The following CDK2 variants were observed in gnomAD, a reference collection of about 807,000 sequenced individuals.
The protein encoded by CDK2 is cyclin dependent kinase 2.
CDK2 carries 8 observed loss-of-function variants against 35.0 expected under a neutral mutation model. That is an observed-to-expected ratio of 0.23 (90% CI 0.13 to 0.41). The LOEUF is 0.41. Ranked by LOEUF, CDK2 falls within the 10% of genes least tolerant of loss-of-function variation. CDK2 has a pLI of 1.00. For synonymous variants in CDK2, 134 were observed against 137.7 expected, an observed-to-expected ratio of 0.97 and a Z score of 0.19; for missense variants, 201 against 367.1, an observed-to-expected ratio of 0.55 and a Z score of 3.70.
Position 55,971,658 on chromosome 12 carries a change from C to T in CDK2, c.*33C>T. 6.7e-7 allele frequency: 1 copy of T among 1,485,336 alleles called. No individual in the cohort carries two copies. Among genetic ancestry groups the T allele is most frequent in the South Asian group, 1.1e-5 (1 of 88,482 alleles). The allele number at this position is 1,485,336 out of a possible 1,614,324, so 92.0% of individuals were successfully genotyped here. On this transcript the variant is annotated 3_prime_UTR_variant, in exon 7 of 7. Transcript: ENST00000266970. ...CTTGAAGCCCCCAGCCCTAATCTCA[C>T]CCTCTCCTCCAGTGTGGGCTTGACC...
Position 55,968,144 on chromosome 12 carries a change from C to T in CDK2, c.290C>T (p.Thr97Ile), listed in dbSNP as rs1324736508. Residue 97 changes from threonine to isoleucine, a missense_variant, in exon 3 of 7, where the codon ACT becomes ATT. Physicochemically the swap from Thr to Ile is moderately conservative, Grantham distance 89. Around this residue, in one of 5 missense-constraint regions of CDK2, gnomAD observed 47 missense variants for 59.5 expected, o/e 0.79. Transcript: ENST00000266970. Reference protein sequence around the residue: ...LKKFMDASALTGIPLPLIKSY... With the variant: ...LKKFMDASALIGIPLPLIKSY... Reference sequence around the variant, plus strand: ...AAATTCATGGATGCCTCTGCTCTCACTGGCATTCCTCTTCCCCTCATCAAG... The same window carrying T: ...AAATTCATGGATGCCTCTGCTCTCATTGGCATTCCTCTTCCCCTCATCAAG... The T allele has an allele frequency of 1.2e-6, 2 of 1,614,034 alleles. No homozygotes were observed. The highest frequency in any genetic ancestry group is 2.2e-5 in the South Asian group (2 of 91,070).
At position 55,972,685 on chromosome 12, in the gene CDK2, T is replaced by A. The variant is rs983324911; in HGVS notation, c.*1060T>A. ...CTAAAAAAAAAAAGCATTTTTTTTTTATGATTTGTCTCTGTCACCCTTGTC... is the reference window on the plus strand; with the variant it reads ...CTAAAAAAAAAAAGCATTTTTTTTTAATGATTTGTCTCTGTCACCCTTGTC... On this transcript the variant is annotated 3_prime_UTR_variant, in exon 7 of 7. Transcript: ENST00000266970. 5.4e-5 allele frequency: 8 copies of A among 147,286 alleles called. No individual in the cohort carries two copies. The highest frequency in any genetic ancestry group is 1.1e-4 in the Non-Finnish European group (7 of 65,608). 9.1% of individuals were successfully genotyped at this position (147,286 alleles called of 1,614,324 possible). A position where few individuals can be genotyped will look rare whatever the true frequency, so the allele number is the denominator to read the frequency against.
At position 55,972,643 on chromosome 12, in the gene CDK2, G is replaced by A. The variant is rs1889511472; in HGVS notation, c.*1018G>A. 7.0e-6 allele frequency: 1 copy of A among 143,826 alleles called. No individual in the cohort carries two copies. Among genetic ancestry groups the A allele is most frequent in the Non-Finnish European group, 1.5e-5 (1 of 66,066 alleles). 8.9% of individuals were successfully genotyped at this position (143,826 alleles called of 1,614,324 possible). A position where few individuals can be genotyped will look rare whatever the true frequency, so the allele number is the denominator to read the frequency against. ...GATTTGTTGCCATGTGCACCTTGGG[G>A]TTTTGTAATGACAGTGCTAAAAAAA... On this transcript the variant is annotated 3_prime_UTR_variant, in exon 7 of 7. Coordinates refer to ENST00000266970, the MANE Select transcript of CDK2 (RefSeq NM_001798.5).
chr12:55,967,642 A>G (rs2136457237), intron 1 of CDK2: 1 of 569,774 alleles, frequency 1.8e-6, no homozygotes, highest in Non-Finnish European at 3.1e-6. Flanking sequence ...GGCTTTACTT[A>G]CCTACCCCTG....
intron 1 of CDK2, 29 bp from the exon 2 acceptor site, chr12:55,967,828 C>G (rs752802887): frequency 1.7e-5 from 27 of 1,575,308 alleles, no homozygotes; most frequent in Non-Finnish European, 1.5e-5. Flanking sequence ...TAACCATATT[C>G]CCATCTCTGC....
At chr12:55,970,656 G>T in intron 5 of CDK2, 2 of 702,390 alleles carry the variant, frequency 2.8e-6, no homozygotes, top group Non-Finnish European at 5.2e-6. Context: ...AGAAATGGAA[G>T]ACAGAGTCTC....
At chr12:55,968,016 A>C (rs1036895432) in intron 2 of CDK2, 33 bp from the exon 3 acceptor site, 5 of 1,613,882 alleles carry the variant, frequency 3.1e-6, no homozygotes, top group Non-Finnish European at 3.4e-6. Context: ...TCTCTCTCAC[A>C]CACCTCCATT....
At chr12:55,970,587 T>C in intron 5 of CDK2, 1 of 701,256 alleles carries the variant, frequency 1.4e-6, no homozygotes, top group South Asian at 1.5e-5. Flanking sequence ...CATCAAAAAA[T>C]ATTTGTTAAG....
intron 1 of CDK2, 133 bp from the exon 2 acceptor site, chr12:55,967,724 A>T: frequency 1.4e-6 from 1 of 718,496 alleles, no homozygotes. Flanking sequence ...AGCTCTTACC[A>T]TCACCCTTTC....
At chr12:55,971,484 T>C (rs780663808) in intron 6 of CDK2, 37 bp from the exon 7 acceptor site, 26 of 1,471,668 alleles carry the variant, frequency 1.8e-5, no homozygotes, top group Non-Finnish European at 2.5e-5. Context: ...TAGTCCACTA[T>C]CACATCATTG....
chr12:55,969,725 A>T (rs927889574), intron 5 of CDK2, 149 bp downstream of exon 5: 2 of 485,340 alleles, frequency 4.1e-6, no homozygotes, highest in Non-Finnish European at 3.7e-6. Context: ...GTGGGAAAGG[A>T]TGCAACTGTT....
At chr12:55,967,729 C>T in intron 1 of CDK2, 128 bp from the exon 2 acceptor site, 1 of 743,928 alleles carries the variant, frequency 1.3e-6, no homozygotes, top group Non-Finnish European at 2.3e-6. Flanking sequence ...TTACCATCAC[C>T]CTTTCTCTTC....
intron 5 of CDK2, 37 bp from the exon 6 acceptor site, chr12:55,971,007 A>T: frequency 1.3e-6 from 2 of 1,580,108 alleles, no homozygotes; most frequent in Non-Finnish European, 8.7e-7. Context: ...ACTGACGTCA[A>T]CGTGGGTCTT....
Position 55,971,697 on chromosome 12 carries a change from G to A in CDK2, c.*72G>A. 1.7e-6 allele frequency: 2 copies of A among 1,181,552 alleles called. No individual in the cohort carries two copies. Among genetic ancestry groups the A allele is most frequent in the South Asian group, 2.5e-5 (2 of 79,842 alleles). 73.2% of individuals were successfully genotyped at this position (1,181,552 alleles called of 1,614,324 possible). On this transcript the variant is annotated 3_prime_UTR_variant, in exon 7 of 7. Transcript: ENST00000266970. The stretch of plus-strand genomic sequence containing the variant: ...GTGGGCTTGACCAGGCTTGGCCTTG[G>A]GCTATTTGGACTCAGGTGGGCCCTC...
At chr12:55,970,512 A>T (rs918333292) in intron 5 of CDK2, 7 of 655,286 alleles carry the variant, frequency 1.1e-5, no homozygotes, top group Non-Finnish European at 1.7e-5. Flanking sequence ...TAGCCTATAC[A>T]TATGTAATGT....
chr12:55,971,459 C>G (rs1889471712), intron 6 of CDK2, 62 bp from the exon 7 acceptor site: 1 of 1,309,832 alleles, frequency 7.6e-7, no homozygotes, highest in Non-Finnish European at 1.1e-6. Context: ...TTTCTGGGAA[C>G]ACCTGCTGCC....
rs1435175854 is a variant in CDK2 at position 55,972,481 on chromosome 12, T to C, written c.*856T>C. Reference sequence around the variant, plus strand: ...GGCATCATTTTGAGAATGCTGACACTTTTTCAGGGCTGTGATTGAGTGAGG... The same window carrying C: ...GGCATCATTTTGAGAATGCTGACACCTTTTCAGGGCTGTGATTGAGTGAGG... On this transcript the variant is annotated 3_prime_UTR_variant, in exon 7 of 7. Coordinates refer to ENST00000266970, the MANE Select transcript of CDK2 (RefSeq NM_001798.5). The C allele has an allele frequency of 6.6e-6, 1 of 152,150 alleles. No homozygotes were observed. The highest frequency in any genetic ancestry group is 1.5e-5 in the Non-Finnish European group (1 of 68,034). The allele number at this position is 152,150 out of a possible 1,614,324, so 9.4% of individuals were successfully genotyped here. A position where few individuals can be genotyped will look rare whatever the true frequency, so the allele number is the denominator to read the frequency against.
Position 55,971,085 on chromosome 12 carries a change from C to T in CDK2, c.630C>T (p.Asp210=). ...RALFPGDSEI[D]QLFRIFRTLG... ...TATTCCCTGGAGATTCTGAGATTGACCAGCTCTTCCGGATCTTTCGGACTC... is the reference window on the plus strand; with the variant it reads ...TATTCCCTGGAGATTCTGAGATTGATCAGCTCTTCCGGATCTTTCGGACTC... Residue 210 remains aspartate, a synonymous_variant, in exon 6 of 7, where the codon GAC becomes GAT. Transcript: ENST00000266970. The T allele has an allele frequency of 3.7e-6, 6 of 1,614,124 alleles. No homozygotes were observed. The East Asian group carries it at 1.1e-4, about 30-fold the overall frequency.
At chr12:55,969,621 C>T (rs144432638) in intron 5 of CDK2, 45 bp downstream of exon 5, 2 of 1,105,058 alleles carry the variant, frequency 1.8e-6, no homozygotes, top group Non-Finnish European at 2.7e-6. Context: ...TCCCTCTCCT[C>T]CCCACATCCA....
Sources: gnomAD v4.1 joint callset for allele counts on GRCh38, gnomAD v4.1.1 for gene constraint, gnomAD v4.1.1 regional missense constraint, MANE v1.5 for transcripts, NCBI Gene and HGNC (gene_info 2026-07-23, HGNC 2026-07-21) for gene names.